Variants in APBB2 observed in about 807,000 individuals in gnomAD.
The protein encoded by APBB2 is amyloid beta precursor protein binding family B member 2, also known as Fe65-like 1.
APBB2 carries 38 observed loss-of-function variants against 82.5 expected under a neutral mutation model. The ratio of observed to expected loss-of-function variants is 0.46; its 90% CI spans 0.36 to 0.60. APBB2 has a LOEUF of 0.60. Among genes scored for constraint, APBB2 ranks in the 20% least tolerant of loss-of-function variants. APBB2 has a pLI of 0.00. For synonymous variants in APBB2, 341 were observed against 368.2 expected (o/e 0.93, Z 0.85); for missense variants, 772 against 972.3 (o/e 0.79, Z 2.74).
At chr4:41,200,019 GAATTACTCTTTGAAATCATTGTTAACCAA>G (rs1776317165) in intron 1 of APBB2, among the ~76,000 whole-genome samples, 1 of 152,138 alleles carries the variant, frequency 6.6e-6, no homozygotes, top group Non-Finnish European at 1.5e-5. Flanking sequence ...CCCACTTCAA[GAATTACTCTTTGAAATCATTGTTAACCAA>G]CCCATTTCAA....
intron 6 of APBB2, among the ~76,000 whole-genome samples, chr4:40,950,160 G>A (rs913620535): frequency 2.0e-5 from 3 of 152,154 alleles, no homozygotes; most frequent in East Asian, 1.9e-4. Context: ...CTGTCAGCTC[G>A]GCAAAAATTA....
rs140602749 is a variant in APBB2, at chr4:41,190,635, A to G, written c.-417+23770T>C. Among the ~76,000 whole-genome samples, 77 of 152,302 alleles carry G rather than the reference A, an allele frequency of 5.1e-4. 1 individual carries two copies. Among genetic ancestry groups the G allele is most frequent in the African/African-American group, 1.8e-3 (74 of 41,564 alleles). On this transcript the variant is annotated intron_variant, in intron 1 of 17. Transcript: ENST00000508593. ...CAAGTATCCAGCATGGAAAAGGGAT[A>G]TGCATCCACCTTTGTATTATTAGGT...
intron 4 of APBB2, among the ~76,000 whole-genome samples, chr4:41,034,267 C>T (rs561530335): frequency 3.9e-5 from 6 of 152,084 alleles, no homozygotes; most frequent in African/African-American, 1.4e-4. Flanking sequence ...CAATGAAGTA[C>T]CATGCTGCCC....
intron 4 of APBB2, among the ~76,000 whole-genome samples, chr4:41,044,027 T>C (rs1722488768): frequency 6.6e-6 from 1 of 152,244 alleles, no homozygotes; most frequent in Non-Finnish European, 1.5e-5. Flanking sequence ...GCACATGGTA[T>C]CTGGTTTTCA....
At chr4:40,880,780 T>C in intron 12 of APBB2, 1 of 985,406 alleles carries the variant, frequency 1.0e-6, no homozygotes, top group Middle Eastern at 5.2e-4. Flanking sequence ...TTTTCTGCTC[T>C]CTCTTGACAC....
intron 2 of APBB2, among the ~76,000 whole-genome samples, chr4:41,109,315 G>A (rs951888880): frequency 6.6e-6 from 1 of 150,738 alleles, no homozygotes; most frequent in African/African-American, 2.4e-5. Context: ...TTTTTTAGAC[G>A]GAGTCTTGCT....
chr4:40,922,660 G>A (rs1321517408), intron 10 of APBB2, among the ~76,000 whole-genome samples: 1 of 152,188 alleles, frequency 6.6e-6, no homozygotes, highest in Non-Finnish European at 1.5e-5. Context: ...GGCCAGGCTG[G>A]AGTGCAGTGG....
intron 6 of APBB2, among the ~76,000 whole-genome samples, chr4:40,964,776 A>ACACACACACACACACACAC (rs1553884405): frequency 6.0e-5 from 9 of 150,606 alleles, no homozygotes; most frequent in African/African-American, 2.2e-4. Context: ...ACACACACAC[A>ACACACACACACACACACAC]ACAATGCACA....
intron 1 of APBB2, among the ~76,000 whole-genome samples, chr4:41,153,568 T>C (rs1342786728): frequency 1.3e-5 from 2 of 152,192 alleles, no homozygotes; most frequent in African/African-American, 4.8e-5. Flanking sequence ...CCATTTATGT[T>C]TCTGATCTTG....
intron 1 of APBB2, among the ~76,000 whole-genome samples, chr4:41,214,167 G>T (rs1239090343): frequency 2.6e-5 from 4 of 152,144 alleles, no homozygotes; most frequent in Non-Finnish European, 4.4e-5. Context: ...CGGGCGCAGG[G>T]CGCACGGGAC....
At chr4:40,870,346 C>T (rs1051910114) in intron 12 of APBB2, among the ~76,000 whole-genome samples, 12 of 152,136 alleles carry the variant, frequency 7.9e-5, no homozygotes, top group African/African-American at 2.7e-4. Flanking sequence ...GACAGGGACC[C>T]GTGCCAAGCC....
At chr4:41,207,130 T>C (rs1363094211) in intron 1 of APBB2, among the ~76,000 whole-genome samples, 1 of 125,912 alleles carries the variant, frequency 7.9e-6, no homozygotes, top group East Asian at 2.5e-4. Flanking sequence ...ACCTGGAAGG[T>C]GGAGGTTGCA....
chr4:40,875,122 T>TGG (rs1560766491), intron 12 of APBB2, among the ~76,000 whole-genome samples: 12 of 152,096 alleles, frequency 7.9e-5, no homozygotes, highest in South Asian at 6.2e-4. Context: ...ACATGTCACA[T>TGG]CGTGGGGTTT....
intron 3 of APBB2, among the ~76,000 whole-genome samples, chr4:41,088,490 T>C (rs1263135017): frequency 6.6e-6 from 1 of 152,154 alleles, no homozygotes; most frequent in African/African-American, 2.4e-5. Flanking sequence ...CTGTGAGAGG[T>C]GGATTTCCCA....
intron 10 of APBB2, among the ~76,000 whole-genome samples, chr4:40,926,149 T>C (rs934897730): frequency 3.9e-5 from 6 of 152,222 alleles, no homozygotes; most frequent in Non-Finnish European, 8.8e-5. Flanking sequence ...TGCACAAAAT[T>C]GGTGCCTTCT....
In APBB2 at chr4:40,912,644, T is replaced by C. The variant is rs117552394; in HGVS notation, c.1255-19233A>G. 4.6e-5 allele frequency among the ~76,000 whole-genome samples: 7 copies of C among 151,510 alleles called. No homozygotes were observed. In the East Asian group the frequency reaches 1.4e-3, roughly 29 times the overall value. ...TCTCTAAGAATGCTCTGAGAGTGAC[T>C]GTGGAAATTCCCCTGGAGGAACAGT... On this transcript the variant is annotated intron_variant, in intron 10 of 17. Transcript: ENST00000508593.
intron 4 of APBB2, among the ~76,000 whole-genome samples, chr4:41,044,512 G>C (rs146826849): frequency 6.6e-6 from 1 of 152,112 alleles, no homozygotes; most frequent in Non-Finnish European, 1.5e-5. Flanking sequence ...CTCTGTAGAA[G>C]GTTCCTTAGG....
rs143519641 is a variant in APBB2 at position 41,115,346 on chromosome 4, G to A, written c.-260-14596C>T. 6.6e-5 allele frequency among the ~76,000 whole-genome samples: 10 copies of A among 152,182 alleles called. No homozygotes were observed. The East Asian group carries it at 7.7e-4, about 12-fold the overall frequency. ...CTCATGATGGATTAAATACTTAAAC[G>A]TAGATCTAAAATCATAAAAACCCTA... is the stretch of plus-strand genomic sequence containing the variant. On this transcript the variant is annotated intron_variant, in intron 2 of 17. Transcript: ENST00000508593.
At chr4:40,985,089 T>TC (rs920321285) in intron 6 of APBB2, among the ~76,000 whole-genome samples, 23 of 152,056 alleles carry the variant, frequency 1.5e-4, no homozygotes, top group Admixed American at 1.0e-3. Flanking sequence ...AGCTAATTTT[T>TC]TTTTTTGTAG....
Sources: gnomAD v4.1 joint callset for allele counts (sites outside exome capture counted in the v4.1 genomes callset) on GRCh38, gnomAD v4.1.1 for gene constraint, MANE v1.5 for transcripts, NCBI Gene and HGNC (gene_info 2026-07-23, HGNC 2026-07-21) for gene names.